The following TOP6BL variants were observed in gnomAD, a reference collection of about 807,000 sequenced individuals.
TOP6BL encodes the protein type 2 DNA topoisomerase 6 subunit B-like.
At chr11:66,780,081 A>G in the TOP6BL span, among the ~76,000 whole-genome samples, 18 of 152,154 alleles carry the variant, frequency 1.2e-4, no homozygotes, top group South Asian at 2.1e-4. Context: ...ACTGGGTGCA[A>G]CACACCAACA....
chr11:66,821,586 G>A, the TOP6BL span: 1 of 1,532,688 alleles, frequency 6.5e-7, no homozygotes, highest in South Asian at 1.2e-5. Flanking sequence ...AGCTTTTGCA[G>A]ATGCACAGTG....
the TOP6BL span, chr11:66,821,676 C>T: frequency 1.2e-6 from 2 of 1,611,320 alleles, no homozygotes; most frequent in South Asian, 2.2e-5. Context: ...CATCTCAATG[C>T]CATCCTTGTG....
the TOP6BL span, chr11:66,762,333 C>T: frequency 2.5e-6 from 1 of 393,678 alleles, no homozygotes; most frequent in Non-Finnish European, 4.6e-6. Flanking sequence ...GGGCGGGCCC[C>T]GGGGGTGTGG....
At chr11:66,822,612 A>G in the TOP6BL span, 6 of 1,553,222 alleles carry the variant, frequency 3.9e-6, no homozygotes, top group African/African-American at 2.7e-5. Flanking sequence ...GAACTCCATC[A>G]TGAGTATTCT....
chr11:66,788,226 C>T, the TOP6BL span: 2 of 1,613,900 alleles, frequency 1.2e-6, no homozygotes, highest in Admixed American at 1.7e-5. Context: ...GGCAGCTATT[C>T]TCAGGATATG....
the TOP6BL span, chr11:66,843,205 G>A: frequency 6.2e-7 from 1 of 1,610,850 alleles, no homozygotes; most frequent in Non-Finnish European, 8.5e-7. Flanking sequence ...CAACCTGTCA[G>A]AGTGGCTGAG....
At chr11:66,761,627 T>C in the TOP6BL span, 1 of 1,215,398 alleles carries the variant, frequency 8.2e-7, no homozygotes, top group Non-Finnish European at 1.1e-6. Flanking sequence ...AATGTACGCC[T>C]GGTGCTCCGG....
chr11:66,745,850 G>A, the TOP6BL span, among the ~76,000 whole-genome samples: 3 of 152,150 alleles, frequency 2.0e-5, no homozygotes, highest in African/African-American at 7.2e-5. Flanking sequence ...TCGCTCTTTC[G>A]CCCAGGCTGG....
chr11:66,832,166 C>T, the TOP6BL span, among the ~76,000 whole-genome samples: 34 of 150,890 alleles, frequency 2.3e-4, no homozygotes, highest in Non-Finnish European at 4.3e-4. Flanking sequence ...GGCGTGATCT[C>T]GGCTCACTGC....
At chr11:66,769,978 C>CT in the TOP6BL span, among the ~76,000 whole-genome samples, 1 of 151,996 alleles carries the variant, frequency 6.6e-6, no homozygotes, top group African/African-American at 2.4e-5. Flanking sequence ...AACTCCTGAC[C>CT]TTGTGATCCG....
chr11:66,786,988 C>T, the TOP6BL span, among the ~76,000 whole-genome samples: 78 of 150,668 alleles, frequency 5.2e-4, no homozygotes, highest in Non-Finnish European at 9.4e-4. Flanking sequence ...GGCTGGAGTG[C>T]AATGGCACGA....
At chr11:66,813,623 C>CAGG in the TOP6BL span, among the ~76,000 whole-genome samples, 1 of 152,056 alleles carries the variant, frequency 6.6e-6, no homozygotes, top group Non-Finnish European at 1.5e-5. Context: ...ATCCCAGCTA[C>CAGG]TTGGGAGGCT....
chr11:66,814,083 A>G, the TOP6BL span: 3 of 1,463,116 alleles, frequency 2.1e-6, no homozygotes, highest in African/African-American at 2.8e-5. Flanking sequence ...GAAAGGAAAT[A>G]TGAATAGAAC....
the TOP6BL span, among the ~76,000 whole-genome samples, chr11:66,812,200 G>A: frequency 7.0e-5 from 4 of 57,198 alleles, no homozygotes; most frequent in East Asian, 1.2e-3. Context: ...TTTTTGAGAC[G>A]GAGTCTGGCT....
chr11:66,804,146 C>A, the TOP6BL span: 4 of 1,613,694 alleles, frequency 2.5e-6, no homozygotes, highest in Non-Finnish European at 3.4e-6. Context: ...GTGCCCCAGC[C>A]CAAAGGTTTC....
chr11:66,792,061 C>T, the TOP6BL span, among the ~76,000 whole-genome samples: 43 of 152,248 alleles, frequency 2.8e-4, 1 homozygote, highest in African/African-American at 1.0e-3. Context: ...CCGCCTGCCT[C>T]GGCTTCCTAA....
At chr11:66,823,945 C>T in the TOP6BL span, among the ~76,000 whole-genome samples, 6 of 152,280 alleles carry the variant, frequency 3.9e-5, no homozygotes, top group Admixed American at 6.5e-5. Flanking sequence ...TTACCTATTA[C>T]GTGTATGTGG....
At chr11:66,769,403 T>A in the TOP6BL span, among the ~76,000 whole-genome samples, 2 of 151,162 alleles carry the variant, frequency 1.3e-5, no homozygotes, top group Non-Finnish European at 2.9e-5. Context: ...AAAACTCTTA[T>A]GCTTCAAAAG....
At chr11:66,756,741 GCT>G in the TOP6BL span, among the ~76,000 whole-genome samples, 28 of 151,834 alleles carry the variant, frequency 1.8e-4, no homozygotes, top group East Asian at 5.1e-3. Context: ...ATGGGGTCTT[GCT>G]CTGTGTTGCC....
Sources: gnomAD v4.1 joint callset for allele counts (sites outside exome capture counted in the v4.1 genomes callset) on GRCh38, gnomAD v4.1.1 for gene constraint, MANE v1.5 for transcripts, NCBI Gene and HGNC (gene_info 2026-07-23, HGNC 2026-07-21) for gene names.